Variants in PRDM16 observed in about 807,000 individuals in gnomAD.
PRDM16 encodes PR/SET domain 16.
PRDM16 carries 23 observed loss-of-function variants against 110.6 expected under a neutral mutation model. The observed-to-expected ratio is 0.21, with a 90% CI of 0.15 to 0.29. The LOEUF is 0.29. Among genes scored for constraint, PRDM16 ranks in the 10% least tolerant of loss-of-function variants. The pLI is 1.00. For missense variants in PRDM16, 1,615 were observed against 1,794.3 expected, an observed-to-expected ratio of 0.90 and a Z score of 1.81; for synonymous variants, 799 against 781.8, an observed-to-expected ratio of 1.02 and a Z score of -0.37.
chr1:3,086,798 C>T (rs1197840225), intron 1 of PRDM16, among the ~76,000 whole-genome samples: 1 of 152,178 alleles, frequency 6.6e-6, no homozygotes, highest in Non-Finnish European at 1.5e-5. Flanking sequence ...TTTTGTGGAG[C>T]ATGCCGTTAA....
intron 3 of PRDM16, among the ~76,000 whole-genome samples, chr1:3,275,285 C>T (rs777226934): frequency 6.6e-6 from 1 of 152,210 alleles, no homozygotes; most frequent in Non-Finnish European, 1.5e-5. Flanking sequence ...AGACCTTGTA[C>T]GTAACAAGTT....
At chr1:3,319,058 G>A (rs1190790552) in intron 3 of PRDM16, among the ~76,000 whole-genome samples, 2 of 152,220 alleles carry the variant, frequency 1.3e-5, no homozygotes, top group African/African-American at 4.8e-5. Flanking sequence ...TCTGTGCAGG[G>A]GTTGTTGCTG....
At chr1:3,122,901 G>A (rs1456637760) in intron 1 of PRDM16, among the ~76,000 whole-genome samples, 1 of 152,238 alleles carries the variant, frequency 6.6e-6, no homozygotes, top group Non-Finnish European at 1.5e-5. Flanking sequence ...AACCAGGACT[G>A]GAGCGCGGGA....
intron 2 of PRDM16, among the ~76,000 whole-genome samples, chr1:3,200,310 G>A (rs1342186196): frequency 1.3e-5 from 2 of 152,186 alleles, no homozygotes; most frequent in Non-Finnish European, 2.9e-5. Context: ...GCCCTTAGCC[G>A]GGGCCCTCCT....
intron 3 of PRDM16, among the ~76,000 whole-genome samples, chr1:3,314,900 T>A (rs1473975611): frequency 6.6e-6 from 1 of 152,184 alleles, no homozygotes; most frequent in Admixed American, 6.5e-5. Flanking sequence ...CAGCTCCAAA[T>A]GTCTTCATAG....
chr1:3,093,773 C>T (rs999645391), intron 1 of PRDM16, among the ~76,000 whole-genome samples: 5 of 152,178 alleles, frequency 3.3e-5, no homozygotes, highest in Admixed American at 3.3e-4. Flanking sequence ...GGCAAACGCC[C>T]ACTCCCACCT....
chr1:3,105,058 G>A (rs943233400), intron 1 of PRDM16, among the ~76,000 whole-genome samples: 20 of 152,082 alleles, frequency 1.3e-4, no homozygotes, highest in African/African-American at 4.6e-4. Flanking sequence ...CGGGGGGTGG[G>A]GGCGGGTGGA....
intron 1 of PRDM16, among the ~76,000 whole-genome samples, chr1:3,083,666 G>A (rs1642083814): frequency 6.6e-6 from 1 of 152,138 alleles, no homozygotes; most frequent in Non-Finnish European, 1.5e-5. Flanking sequence ...GCCCTCGGGG[G>A]TTTCCTGTTA....
At chr1:3,341,269 C>A (rs1642266304) in intron 3 of PRDM16, among the ~76,000 whole-genome samples, 1 of 152,188 alleles carries the variant, frequency 6.6e-6, no homozygotes, top group Non-Finnish European at 1.5e-5. Context: ...AGGTTTCCAT[C>A]CCCGTTGGCA....
At chr1:3,147,004 TGTG>T (rs1489563804) in intron 1 of PRDM16, among the ~76,000 whole-genome samples, 1 of 89,116 alleles carries the variant, frequency 1.1e-5, no homozygotes, top group Admixed American at 1.4e-4. Context: ...GTGTGCTTGG[TGTG>T]GGGGGTATGC....
intron 3 of PRDM16, among the ~76,000 whole-genome samples, chr1:3,272,790 G>A (rs1192103138): frequency 7.0e-6 from 1 of 142,894 alleles, no homozygotes; most frequent in Non-Finnish European, 1.5e-5. Context: ...GCGAGGCCGA[G>A]CCCATCTCTG....
rs368140002 is a variant in PRDM16 at position 3,396,563 on chromosome 1, C to A, written c.646C>A (p.Pro216Thr). The A allele has an allele frequency of 4.4e-5, 71 of 1,602,420 alleles. No individual in the cohort carries two copies. The East Asian group carries it at 1.2e-3, about 27-fold the overall frequency. ...GGTGCACGTGAAGGAAGGCGTCTAC[C>A]CCCTGGGCACAGTGCCGCCCGGCCT... ...LLVHVKEGVY[P>T]LGTVPPGLDE... The change falls in exon 5 of 17, where the codon CCC becomes ACC. Residue 216 changes from proline to threonine, a missense_variant. This residue lies in a region of PRDM16 where 416 missense variants were observed against 467.1 expected (regional missense o/e 0.89). Coordinates refer to ENST00000270722, the MANE Select transcript of PRDM16 (RefSeq NM_022114.4).
intron 2 of PRDM16, among the ~76,000 whole-genome samples, chr1:3,241,636 C>T (rs566184816): frequency 1.3e-5 from 2 of 152,364 alleles, no homozygotes; most frequent in Admixed American, 6.5e-5. Context: ...AGCCCACGCA[C>T]GGACCAAGCC....
At chr1:3,218,776 G>A (rs1255627872) in intron 2 of PRDM16, among the ~76,000 whole-genome samples, 1 of 152,232 alleles carries the variant, frequency 6.6e-6, no homozygotes, top group Non-Finnish European at 1.5e-5. Flanking sequence ...TGGAGGCCAG[G>A]CCTCAGGACG....
In PRDM16 at chr1:3,069,789, C is replaced by T. The variant is rs1364081958; in HGVS notation, c.37+493C>T. ...TTTGAAATAGTGGGCGCTAGAGCAC[C>T]GCCTTTGGCGTCCGCCAGCCGGGCG... On this transcript the variant is annotated intron_variant, in intron 1 of 16. Coordinates refer to ENST00000270722, the MANE Select transcript of PRDM16 (RefSeq NM_022114.4). This position sits in a 1 kb window ranked among gnomAD's most constrained non-coding sequence, Gnocchi z 6.1. Among the ~76,000 whole-genome samples the T allele has an allele frequency of 1.3e-5, 2 of 152,084 alleles. No individual in the cohort carries two copies. The highest frequency in any genetic ancestry group is 2.9e-5 in the Non-Finnish European group (2 of 67,990).
intron 3 of PRDM16, among the ~76,000 whole-genome samples, chr1:3,363,188 C>T (rs900065702): frequency 2.6e-5 from 4 of 152,174 alleles, no homozygotes; most frequent in African/African-American, 7.2e-5. Flanking sequence ...AGGCTGCTGT[C>T]CGCTCCTGAC....
intron 3 of PRDM16, among the ~76,000 whole-genome samples, chr1:3,349,906 C>A (rs142064245): frequency 1.3e-5 from 2 of 152,200 alleles, no homozygotes; most frequent in African/African-American, 4.8e-5. Context: ...CGCCCTCTGC[C>A]GTGAATGTTT....
At chr1:3,314,530 C>G (rs1443819715) in intron 3 of PRDM16, among the ~76,000 whole-genome samples, 2 of 152,076 alleles carry the variant, frequency 1.3e-5, no homozygotes, top group Non-Finnish European at 2.9e-5. Context: ...CCTGCTCCAT[C>G]CAGGAGCAAA....
At chr1:3,418,102 A>C in intron 11 of PRDM16, 105 bp downstream of exon 11, 1 of 924,426 alleles carries the variant, frequency 1.1e-6, no homozygotes, top group South Asian at 1.7e-5. Flanking sequence ...TCCCGGCCAT[A>C]GGAAAGCACA....
Sources: allele counts gnomAD v4.1 joint callset (sites outside exome capture counted in the v4.1 genomes callset), GRCh38; gene constraint gnomAD v4.1.1; regional missense constraint gnomAD v4.1.1; non-coding constraint Gnocchi (gnomAD v3.1); transcripts MANE v1.5; gene names NCBI Gene and HGNC (gene_info 2026-07-23, HGNC 2026-07-21).